PCDHA4: variants seen among roughly 807,000 people sequenced by gnomAD.
PCDHA4 encodes the protein protocadherin alpha-4.
In PCDHA4, 49 loss-of-function variants were observed where a neutral mutation model predicts 61.4. The ratio of observed to expected loss-of-function variants is 0.80; its 90% CI spans 0.63 to 1.01. The LOEUF (loss-of-function observed/expected upper bound fraction) is 1.01. PCDHA4 is among the 50% of genes least tolerant of loss of function. PCDHA4 has a pLI of 0.00. For synonymous variants in PCDHA4, 590 were observed against 550.3 expected (o/e 1.07, Z -1.01); for missense variants, 1,254 against 1,235.8 (o/e 1.01, Z -0.22).
intron 1 of PCDHA4, among the ~76,000 whole-genome samples, chr5:140,898,095 T>C (rs1196262591): frequency 7.9e-5 from 12 of 152,170 alleles, no homozygotes; most frequent in Non-Finnish European, 1.6e-4. Flanking sequence ...ATTAGCCCTT[T>C]GTCAGATGAG....
At chr5:140,953,218 C>T (rs575250415) in intron 1 of PCDHA4, among the ~76,000 whole-genome samples, 2 of 152,272 alleles carry the variant, frequency 1.3e-5, no homozygotes, top group East Asian at 3.9e-4. Flanking sequence ...ATCTTTCTTG[C>T]TTCTGCTTGG....
intron 1 of PCDHA4, chr5:140,968,033 G>A (rs1554230222): frequency 6.2e-7 from 1 of 1,614,074 alleles, no homozygotes; most frequent in African/African-American, 1.3e-5. Context: ...TACACTGGTG[G>A]TGAGCGGCCC....
At chr5:140,946,976 G>A (rs2094064804) in intron 1 of PCDHA4, among the ~76,000 whole-genome samples, 1 of 151,532 alleles carries the variant, frequency 6.6e-6, no homozygotes, top group Admixed American at 6.6e-5. Context: ...ATAGAATAGA[G>A]GATTTTGAGT....
rs144940545 is a variant in PCDHA4, at chr5:140,840,415, A to G, written c.2385+30843A>G. Among the ~76,000 whole-genome samples the G allele has an allele frequency of 1.2e-3, 182 of 152,100 alleles. 3 individuals are homozygous for G. In the East Asian group the frequency reaches 0.029, roughly 25 times the overall value. On this transcript the variant is annotated intron_variant, in intron 1 of 3. Coordinates refer to ENST00000530339, the MANE Select transcript of PCDHA4 (RefSeq NM_018907.4). ...ATATGGAGTTAAGAATACTTCAAAT[A>G]ATAGGCTAGTTTAAAGCCGTGGAAA...
chr5:140,843,177 G>C lies in PCDHA4; in HGVS notation c.2385+33605G>C. ...CTGCAGCCAGCTGCAAGCAGCCCTC[G>C]CATCCCGTTCCGCGTGGGGCTGTAC... On this transcript the variant is annotated intron_variant, in intron 1 of 3. Transcript: ENST00000530339. 3.1e-6 allele frequency: 5 copies of C among 1,596,056 alleles called. 2 individuals are homozygous for C. Among genetic ancestry groups the C allele is most frequent in the Non-Finnish European group, 4.3e-6 (5 of 1,165,590 alleles).
intron 1 of PCDHA4, chr5:140,822,368 C>T: frequency 6.2e-7 from 1 of 1,614,006 alleles, no homozygotes; most frequent in South Asian, 1.1e-5. Flanking sequence ...TTGAGGAAAT[C>T]CTTAGATAGA....
At chr5:140,898,965 G>A (rs2067069000) in intron 1 of PCDHA4, among the ~76,000 whole-genome samples, 1 of 152,044 alleles carries the variant, frequency 6.6e-6, no homozygotes, top group Non-Finnish European at 1.5e-5. Flanking sequence ...GTGAATGGGA[G>A]TTCACTCATG....
chr5:140,901,539 A>C (rs192107124), intron 1 of PCDHA4, among the ~76,000 whole-genome samples: 1 of 151,952 alleles, frequency 6.6e-6, no homozygotes, highest in African/African-American at 2.4e-5. Context: ...TTGGTTCTCT[A>C]TTCTGTTCCA....
intron 1 of PCDHA4, chr5:140,869,810 A>G: frequency 6.2e-7 from 1 of 1,612,624 alleles, no homozygotes; most frequent in South Asian, 1.1e-5. Context: ...TTGGATGTCA[A>G]CGACAATGAT....
intron 1 of PCDHA4, among the ~76,000 whole-genome samples, chr5:140,926,182 C>T (rs1041630365): frequency 2.6e-5 from 4 of 151,858 alleles, no homozygotes; most frequent in South Asian, 2.2e-4. Flanking sequence ...CGGAAAGCCC[C>T]CCGCAGCACT....
chr5:140,834,430 T>G lies in PCDHA4; in HGVS notation c.2385+24858T>G, dbSNP rs1772988192. 1.9e-6 allele frequency: 3 copies of G among 1,613,806 alleles called. No homozygotes were observed. In the East Asian group the frequency reaches 6.7e-5, roughly 36 times the overall value. On this transcript the variant is annotated intron_variant, in intron 1 of 3. Coordinates refer to ENST00000530339, the MANE Select transcript of PCDHA4 (RefSeq NM_018907.4). ...GACCCAGGGGGCCGACATCTACTGC[T>G]GTTTATTATAATTCTAGCAGCTTGG...
In PCDHA4 at chr5:140,843,362, A is replaced by C. The variant is rs2150191261; in HGVS notation, c.2385+33790A>C. On this transcript the variant is annotated intron_variant, in intron 1 of 3. Transcript: ENST00000530339. ...CGGCCAGGCTCCAAAAGCGTCATCG[A>C]GGCAGTCGGCTGGCGTTTTGGGTCC... 3 of 1,595,998 alleles carry C rather than the reference A, an allele frequency of 1.9e-6. No homozygotes were observed. The East Asian group carries it at 6.7e-5, about 36-fold the overall frequency.
At chr5:140,942,737 A>C (rs180744405) in intron 1 of PCDHA4, among the ~76,000 whole-genome samples, 1 of 152,354 alleles carries the variant, frequency 6.6e-6, no homozygotes, top group East Asian at 1.9e-4. Context: ...AAAATATTTT[A>C]AAATCTTGTA....
intron 1 of PCDHA4, among the ~76,000 whole-genome samples, chr5:140,948,191 C>A (rs2094221032): frequency 6.6e-6 from 1 of 151,562 alleles, no homozygotes; most frequent in African/African-American, 2.4e-5. Context: ...CCCACTTAGT[C>A]ATGATATATT....
intron 1 of PCDHA4, among the ~76,000 whole-genome samples, chr5:140,947,308 A>G (rs1554218155): frequency 1.3e-5 from 2 of 151,606 alleles, no homozygotes; most frequent in Non-Finnish European, 3.0e-5. Context: ...ACATCTTTGT[A>G]AAAAGTCGGT....
chr5:140,967,387 T>A (rs1158599127), intron 1 of PCDHA4: 4 of 1,609,114 alleles, frequency 2.5e-6, no homozygotes, highest in Non-Finnish European at 3.4e-6. Flanking sequence ...GTAAAGTGCT[T>A]GAGCTGGTGC....
At chr5:140,835,557 C>G (rs2150238146) in intron 1 of PCDHA4, 4 of 1,613,818 alleles carry the variant, frequency 2.5e-6, no homozygotes, top group Non-Finnish European at 3.4e-6. Context: ...CCTGACGCCC[C>G]GCGTTCCCTT....
At chr5:140,864,048 T>G (rs1053633631) in intron 1 of PCDHA4, 9 of 152,932 alleles carry the variant, frequency 5.9e-5, no homozygotes, top group African/African-American at 2.2e-4. Flanking sequence ...CACTTTTTAC[T>G]ACAGTCACCA....
intron 1 of PCDHA4, chr5:140,869,394 G>A (rs782128248): frequency 6.2e-7 from 1 of 1,614,078 alleles, no homozygotes; most frequent in Non-Finnish European, 8.5e-7. Flanking sequence ...AGCTGTGCGG[G>A]CAGAGCGCGG....
Sources: gnomAD v4.1 joint callset for allele counts (sites outside exome capture counted in the v4.1 genomes callset) on GRCh38, gnomAD v4.1.1 for gene constraint, MANE v1.5 for transcripts, NCBI Gene and HGNC (gene_info 2026-07-23, HGNC 2026-07-21) for gene names.